TENM1: variants seen among roughly 807,000 people sequenced by gnomAD.
The protein encoded by TENM1 is teneurin-1.
TENM1 carries 35 observed loss-of-function variants against 174.8 expected under a neutral mutation model. That is an observed-to-expected ratio of 0.20 (90% confidence interval 0.15 to 0.27). The LOEUF (loss-of-function observed/expected upper bound fraction) is 0.27, where lower values mean the gene tolerates loss of function less well. Among genes scored for constraint, TENM1 ranks in the 10% least tolerant of loss-of-function variants. The pLI is 1.00. For missense variants in TENM1, 1,633 were observed against 2,130.1 expected (o/e 0.77, Z 4.59); for synonymous variants, 781 against 798.7 (o/e 0.98, Z 0.37).
At chrX:124,498,112 C>G (rs1446270793) in intron 19 of TENM1, among the ~76,000 whole-genome samples, 2 of 111,474 alleles carry the variant, frequency 1.8e-5, no homozygotes, top group Non-Finnish European at 3.8e-5. Context: ...CTTGTGTTCC[C>G]TAATCATCTT....
At chrX:124,644,534 T>C (rs761838539) in intron 10 of TENM1, among the ~76,000 whole-genome samples, 26 of 110,433 alleles carry the variant, frequency 2.4e-4, no homozygotes, top group Non-Finnish European at 4.3e-4. Flanking sequence ...TCTCTTTAAA[T>C]GATAAAACTT....
At chrX:124,690,990 C>CATAT (rs745999859) in intron 5 of TENM1, among the ~76,000 whole-genome samples, 33 of 108,492 alleles carry the variant, frequency 3.0e-4, no homozygotes, top group African/African-American at 1.1e-3. Flanking sequence ...AGCACAAGCT[C>CATAT]ATATATATAT....
intron 1 of TENM1, among the ~76,000 whole-genome samples, chrX:124,955,129 C>T (rs1569488382): frequency 8.9e-6 from 1 of 112,088 alleles, no homozygotes; most frequent in African/African-American, 3.2e-5. Flanking sequence ...CACTTGCACT[C>T]ACCCTTCAAA....
At chrX:124,861,987 G>A (rs2056919907) in intron 3 of TENM1, among the ~76,000 whole-genome samples, 1 of 111,831 alleles carries the variant, frequency 8.9e-6, no homozygotes, top group African/African-American at 3.3e-5. Context: ...CCATGCACAA[G>A]TTAGCTTGAA....
chrX:124,581,060 C>CTTTTTT (rs1202109466), intron 11 of TENM1, among the ~76,000 whole-genome samples: 1 of 63,966 alleles, frequency 1.6e-5, no homozygotes, highest in Non-Finnish European at 2.7e-5. Context: ...ATACTTAGTT[C>CTTTTTT]TTTTTTTTTT....
intron 25 of TENM1, among the ~76,000 whole-genome samples, chrX:124,411,298 G>C (rs1364374198): frequency 9.0e-6 from 1 of 111,549 alleles, no homozygotes; most frequent in Non-Finnish European, 1.9e-5. Flanking sequence ...ATTTAGCTGG[G>C]AGACTGCTTG....
At chrX:125,111,862 A>G in the TENM1 span, among the ~76,000 whole-genome samples, 1 of 111,646 alleles carries the variant, frequency 9.0e-6, no homozygotes, top group African/African-American at 3.3e-5. Flanking sequence ...CATGGAGTGG[A>G]CTAACATTAT....
At chrX:124,413,442 G>A (rs1339735952) in intron 25 of TENM1, among the ~76,000 whole-genome samples, 4 of 111,359 alleles carry the variant, frequency 3.6e-5, no homozygotes, top group Non-Finnish European at 7.5e-5. Context: ...TGAAAAAAAG[G>A]ATGGGGGTGG....
At chrX:125,006,894 G>A in the TENM1 span, among the ~76,000 whole-genome samples, 2 of 111,472 alleles carry the variant, frequency 1.8e-5, no homozygotes, top group African/African-American at 6.5e-5. Flanking sequence ...AAAGATCAAA[G>A]GTAGATACAT....
chrX:125,157,971 A>G, the TENM1 span, among the ~76,000 whole-genome samples: 1 of 111,833 alleles, frequency 8.9e-6, no homozygotes, highest in African/African-American at 3.3e-5. Context: ...AGAAAATATC[A>G]TACTAATATG....
At chrX:124,606,546 G>A (rs958230807) in intron 11 of TENM1, among the ~76,000 whole-genome samples, 2 of 111,404 alleles carry the variant, frequency 1.8e-5, no homozygotes, top group African/African-American at 6.5e-5. Context: ...AGAAGGGAGA[G>A]GAAACAAGAT....
chrX:124,417,360 G>A (rs758994304), intron 25 of TENM1, among the ~76,000 whole-genome samples: 25 of 110,660 alleles, frequency 2.3e-4, no homozygotes, highest in African/African-American at 7.9e-4. Context: ...ACAGGTACCC[G>A]CCACCACACC....
At chrX:124,485,726 C>A (rs1407204949) in intron 21 of TENM1, among the ~76,000 whole-genome samples, 1 of 111,795 alleles carries the variant, frequency 8.9e-6, no homozygotes, top group Non-Finnish European at 1.9e-5. Context: ...CTCCTCAAAT[C>A]TCAGCTGGGG....
chrX:124,465,012 A>G (rs2061226160), intron 22 of TENM1, among the ~76,000 whole-genome samples: 1 of 111,401 alleles, frequency 9.0e-6, no homozygotes, highest in Non-Finnish European at 1.9e-5. Context: ...GAGCTATGAG[A>G]GGTGGAGTAA....
chrX:124,447,025 T>C (rs1041705591), intron 23 of TENM1, among the ~76,000 whole-genome samples: 1 of 111,623 alleles, frequency 9.0e-6, no homozygotes, highest in African/African-American at 3.3e-5. Flanking sequence ...ATTTAGACAT[T>C]TGTCTGTGCC....
chrX:125,163,186 T>G, the TENM1 span, among the ~76,000 whole-genome samples: 9 of 111,142 alleles, frequency 8.1e-5, no homozygotes, highest in African/African-American at 2.9e-4. Context: ...AGTAGCAGTG[T>G]GTGTTTGTTG....
chrX:124,977,733 C>A, the TENM1 span, among the ~76,000 whole-genome samples: 2 of 110,742 alleles, frequency 1.8e-5, no homozygotes. Flanking sequence ...AATATATGGT[C>A]TCTTCCACTT....
intron 15 of TENM1, among the ~76,000 whole-genome samples, chrX:124,538,156 A>AATGTGTTTTGAAC (rs1305762891): frequency 1.8e-5 from 2 of 112,068 alleles, no homozygotes; most frequent in Admixed American, 1.9e-4. Flanking sequence ...TAATTTTTTA[A>AATGTGTTTTGAAC]ATGTGTTTTG....
intron 3 of TENM1, among the ~76,000 whole-genome samples, chrX:124,862,213 G>A (rs1859752646): frequency 8.9e-6 from 1 of 111,849 alleles, no homozygotes; most frequent in Non-Finnish European, 1.9e-5. Context: ...AGGATGTGGA[G>A]GAAGCAGAAT....
Sources: gnomAD v4.1 joint callset for allele counts (sites outside exome capture counted in the v4.1 genomes callset) on GRCh38, gnomAD v4.1.1 for gene constraint, MANE v1.5 for transcripts, NCBI Gene and HGNC (gene_info 2026-07-23, HGNC 2026-07-21) for gene names.